The following WDR70 variants were observed in gnomAD, a reference collection of about 807,000 sequenced individuals.
The protein encoded by WDR70 is WD repeat-containing protein 70.
WDR70 carries 53 observed loss-of-function variants against 88.6 expected under a neutral mutation model. The observed-to-expected ratio is 0.60, with a 90% CI of 0.48 to 0.75. WDR70 has a LOEUF of 0.75. Among genes scored for constraint, WDR70 ranks in the 30% least tolerant of loss-of-function variants. The pLI, the probability that WDR70 is intolerant of heterozygous loss-of-function variation, is 0.00. For missense variants in WDR70, 610 were observed against 823.2 expected, an observed-to-expected ratio of 0.74 and a Z score of 3.17; for synonymous variants, 280 against 270.0, an observed-to-expected ratio of 1.04 and a Z score of -0.36.
At chr5:37,448,256 T>C (rs1738561584) in intron 7 of WDR70, among the ~76,000 whole-genome samples, 1 of 152,154 alleles carries the variant, frequency 6.6e-6, no homozygotes, top group African/African-American at 2.4e-5. Flanking sequence ...GACATGACCT[T>C]ATTAGTCTTT....
intron 5 of WDR70, among the ~76,000 whole-genome samples, chr5:37,436,790 G>A (rs936669540): frequency 1.2e-4 from 18 of 151,968 alleles, no homozygotes; most frequent in African/African-American, 3.9e-4. Flanking sequence ...TTTTTACTAT[G>A]GTAAGTATTA....
At chr5:37,751,646 C>T (rs547530271) in intron 17 of WDR70, among the ~76,000 whole-genome samples, 1 of 152,208 alleles carries the variant, frequency 6.6e-6, no homozygotes, top group South Asian at 2.1e-4. Flanking sequence ...AAAATACAAG[C>T]CGAAATATAT....
In WDR70 at chr5:37,697,645, T is replaced by C. The variant is rs775223621; in HGVS notation, c.1093-10T>C. On this transcript the variant is annotated splice_polypyrimidine_tract_variant and intron_variant, in intron 10 of 17. Transcript: ENST00000265107. ...TGAGATATTAACACTTTGTTTGTCT[T>C]TGTGAATAGGTTCATCCTAAGTTCC... The C allele has an allele frequency of 1.2e-6, 2 of 1,611,670 alleles. No individual in the cohort carries two copies. Among genetic ancestry groups the C allele is most frequent in the East Asian group, 4.5e-5 (2 of 44,836 alleles).
At chr5:37,719,832 CTTTCTTTCTTTCTT>C (rs1409418582) in intron 13 of WDR70, among the ~76,000 whole-genome samples, 10 of 124,708 alleles carry the variant, frequency 8.0e-5, no homozygotes, top group Non-Finnish European at 1.1e-4. Flanking sequence ...TTTTTTCTTT[CTTTCTTTCTTTCTT>C]TTTTTTTTTT....
At chr5:37,544,813 A>G (rs915980169) in intron 9 of WDR70, among the ~76,000 whole-genome samples, 1 of 152,204 alleles carries the variant, frequency 6.6e-6, no homozygotes, top group African/African-American at 2.4e-5. Flanking sequence ...TCTGTTATAT[A>G]GAGCAGATGT....
chr5:37,415,732 G>C (rs1364737047), intron 5 of WDR70, among the ~76,000 whole-genome samples: 4 of 150,880 alleles, frequency 2.7e-5, no homozygotes, highest in Non-Finnish European at 5.9e-5. Flanking sequence ...CTGCCAGGTG[G>C]AGGGGCTCCT....
intron 10 of WDR70, among the ~76,000 whole-genome samples, chr5:37,655,992 T>C (rs6898225): frequency 0.11 from 16,040 of 151,854 alleles, 2,730 homozygotes; most frequent in African/African-American, 0.36. Flanking sequence ...TGGCGAGGAG[T>C]TGTGATCCTT....
intron 8 of WDR70, among the ~76,000 whole-genome samples, chr5:37,496,559 A>G (rs920093307): frequency 6.6e-6 from 1 of 152,234 alleles, no homozygotes; most frequent in African/African-American, 2.4e-5. Context: ...GAAGGAACCA[A>G]TTCCGGACTC....
intron 9 of WDR70, among the ~76,000 whole-genome samples, chr5:37,594,630 C>T (rs565801395): frequency 6.6e-6 from 1 of 152,258 alleles, no homozygotes; most frequent in African/African-American, 2.4e-5. Flanking sequence ...AATGCGGGCT[C>T]TTTTTTGGTT....
intron 7 of WDR70, among the ~76,000 whole-genome samples, chr5:37,454,822 A>T (rs990947322): frequency 2.0e-5 from 3 of 152,200 alleles, no homozygotes; most frequent in African/African-American, 7.2e-5. Context: ...GCATAATGGA[A>T]TGTGAGCATG....
At chr5:37,513,685 T>C (rs1359865669) in intron 8 of WDR70, among the ~76,000 whole-genome samples, 1 of 152,104 alleles carries the variant, frequency 6.6e-6, no homozygotes, top group African/African-American at 2.4e-5. Context: ...TGGAGTCCGA[T>C]GTTTGAGGGC....
intron 7 of WDR70, among the ~76,000 whole-genome samples, chr5:37,467,938 T>C (rs1739209516): frequency 6.6e-6 from 1 of 152,000 alleles, no homozygotes; most frequent in Non-Finnish European, 1.5e-5. Flanking sequence ...ATGGTCTCGA[T>C]CTCCTGACCT....
rs1044599051 is a variant in WDR70, at chr5:37,726,962, T to C, written c.1794T>C (p.Asp598=). 5.0e-6 allele frequency: 8 copies of C among 1,612,030 alleles called. No individual in the cohort carries two copies. Among genetic ancestry groups the C allele is most frequent in the Admixed American group, 3.4e-5 (2 of 59,628 alleles). ...IVKNIALDKT[D]DSNPREAILR... is the part of the protein sequence containing the mutation. ...AGAACATTGCTTTGGACAAGACCGA[T>C]GACAGTAATCCTCGGGAAGCCATTT... Residue 598 remains aspartate (D), a synonymous_variant, in exon 17 of 18, where the codon GAT becomes GAC. Transcript: ENST00000265107.
At chr5:37,467,319 T>C (rs1462637843) in intron 7 of WDR70, among the ~76,000 whole-genome samples, 3 of 152,048 alleles carry the variant, frequency 2.0e-5, no homozygotes, top group Non-Finnish European at 4.4e-5. Flanking sequence ...CAAATTATGT[T>C]TCTTAAAGAG....
intron 8 of WDR70, among the ~76,000 whole-genome samples, chr5:37,493,460 G>A (rs746282786): frequency 1.5e-4 from 23 of 152,160 alleles, no homozygotes; most frequent in Non-Finnish European, 2.5e-4. Flanking sequence ...CAAGCAAATA[G>A]GGATCACAGT....
At chr5:37,600,720 A>G (rs1030287337) in intron 9 of WDR70, among the ~76,000 whole-genome samples, 1 of 152,158 alleles carries the variant, frequency 6.6e-6, no homozygotes, top group African/African-American at 2.4e-5. Context: ...TTTCATACCC[A>G]CTAGAATGGT....
intron 7 of WDR70, among the ~76,000 whole-genome samples, chr5:37,444,195 C>T (rs1738385856): frequency 6.6e-6 from 1 of 151,774 alleles, no homozygotes; most frequent in Admixed American, 6.6e-5. Context: ...TTAAAACATT[C>T]CAATTAATTC....
At chr5:37,646,254 G>A (rs1181954475) in intron 10 of WDR70, among the ~76,000 whole-genome samples, 1 of 152,012 alleles carries the variant, frequency 6.6e-6, no homozygotes, top group Non-Finnish European at 1.5e-5. Flanking sequence ...ACAAAGAGAA[G>A]ACCAATAAAC....
chr5:37,420,205 TAATA>T (rs1287744354), intron 5 of WDR70, among the ~76,000 whole-genome samples: 1 of 151,868 alleles, frequency 6.6e-6, no homozygotes, highest in Non-Finnish European at 1.5e-5. Flanking sequence ...CAAAATAAAT[TAATA>T]AATAAATAAA....
Sources: gnomAD v4.1 joint callset for allele counts (sites outside exome capture counted in the v4.1 genomes callset) on GRCh38, gnomAD v4.1.1 for gene constraint, MANE v1.5 for transcripts, NCBI Gene and HGNC (gene_info 2026-07-23, HGNC 2026-07-21) for gene names.